The following CNTN6 variants were observed in gnomAD, a reference collection of about 807,000 sequenced individuals.
CNTN6 encodes contactin-6.
A neutral mutation model predicts 122.8 loss-of-function variants in CNTN6; 137 were observed. The ratio of observed to expected loss-of-function variants is 1.12; its 90% CI spans 0.97 to 1.29. The LOEUF (loss-of-function observed/expected upper bound fraction) is 1.29. Among genes scored for constraint, CNTN6 ranks in the 50% most tolerant of loss-of-function variants. The pLI is 0.00. For synonymous variants in CNTN6, 570 were observed against 426.0 expected (o/e 1.34, Z -4.16); for missense variants, 1,634 against 1,223.4 (o/e 1.34, Z -5.01).
intron 17 of CNTN6, among the ~76,000 whole-genome samples, chr3:1,380,856 ATTAG>A (rs946089375): frequency 1.3e-4 from 20 of 152,340 alleles, no homozygotes; most frequent in African/African-American, 4.6e-4. Flanking sequence ...GAATTACATT[ATTAG>A]TTTATCAATT....
intron 2 of CNTN6, among the ~76,000 whole-genome samples, chr3:1,182,464 C>G (rs2093568786): frequency 6.6e-6 from 1 of 152,066 alleles, no homozygotes; most frequent in African/African-American, 2.4e-5. Flanking sequence ...TACTGTAATT[C>G]AAAATGGTAG....
At chr3:1,183,626 G>A (rs916611853) in intron 2 of CNTN6, among the ~76,000 whole-genome samples, 5 of 151,958 alleles carry the variant, frequency 3.3e-5, no homozygotes, top group African/African-American at 7.3e-5. Flanking sequence ...TATAAAAAGA[G>A]TACTTTTTGG....
At chr3:1,346,836 A>T (rs1033747363) in intron 11 of CNTN6, among the ~76,000 whole-genome samples, 2 of 152,134 alleles carry the variant, frequency 1.3e-5, no homozygotes, top group African/African-American at 4.8e-5. Flanking sequence ...CTCCAAGTGG[A>T]TGTGATGTGA....
chr3:1,297,642 T>TTC (rs1553666504), intron 6 of CNTN6, among the ~76,000 whole-genome samples: 2 of 144,368 alleles, frequency 1.4e-5, no homozygotes, highest in African/African-American at 5.7e-5. Flanking sequence ...TTTTTTCTTT[T>TTC]TTTTTTTTTT....
chr3:1,094,422 A>C (rs758681987), intron 1 of CNTN6, among the ~76,000 whole-genome samples: 4 of 152,164 alleles, frequency 2.6e-5, no homozygotes, highest in African/African-American at 4.8e-5. Flanking sequence ...TTTTTAAGCA[A>C]TAATCATGGC....
In CNTN6 at chr3:1,376,940, A is replaced by G; in HGVS notation, c.2096-65A>G. ...TTTTGAAAAGTGAAATTCAAAAACA[A>G]AATTCTTCCTGATGAAGACGTACTT... is the stretch of plus-strand genomic sequence containing the variant. On this transcript the variant is annotated intron_variant, in intron 16 of 22. Transcript: ENST00000446702. 3.5e-6 allele frequency: 4 copies of G among 1,134,742 alleles called. No homozygotes were observed. The South Asian group carries it at 4.1e-5, about 12-fold the overall frequency. The allele number at this position is 1,134,742 out of a possible 1,614,324, so 70.3% of individuals were successfully genotyped here. A position where few individuals can be genotyped will look rare whatever the true frequency, so the allele number is the denominator to read the frequency against.
intron 2 of CNTN6, among the ~76,000 whole-genome samples, chr3:1,157,017 CT>C (rs200694885): frequency 0.19 from 27,826 of 145,218 alleles, 3,356 homozygotes; most frequent in African/African-American, 0.33. Context: ...CACCTTGCCT[CT>C]TTTTTTTTTT....
chr3:1,153,305 T>A (rs754809049), intron 2 of CNTN6, among the ~76,000 whole-genome samples: 1 of 152,202 alleles, frequency 6.6e-6, no homozygotes, highest in Non-Finnish European at 1.5e-5. Context: ...ATTCTAATTA[T>A]TGTGTTATGC....
intron 5 of CNTN6, among the ~76,000 whole-genome samples, chr3:1,279,077 G>A (rs970184919): frequency 1.1e-4 from 17 of 152,140 alleles, no homozygotes; most frequent in East Asian, 3.8e-4. Context: ...ATTAATTACC[G>A]GAAGGGATAG....
intron 2 of CNTN6, among the ~76,000 whole-genome samples, chr3:1,149,376 G>T (rs2092790839): frequency 6.6e-6 from 1 of 151,698 alleles, no homozygotes; most frequent in Non-Finnish European, 1.5e-5. Context: ...TAACAAAGCA[G>T]TAATACATTG....
rs1439405203 is a variant in CNTN6, at chr3:1,327,564, AAATGCTG to A, written c.1195_1201del (p.Ala399Ter). The stretch of plus-strand genomic sequence containing the variant: ...AAAACAAATATCAGATAATTTATGC[AAATGCTG>A]AATTGAGAGTTTTAGGTAAGTCGTT... On this transcript the variant is annotated frameshift_variant, in exon 10 of 23. Coordinates refer to ENST00000446702, the MANE Select transcript of CNTN6 (RefSeq NM_001289080.2). LOFTEE classifies it high-confidence loss of function. The A allele has an allele frequency of 6.2e-7, 1 of 1,610,196 alleles. No homozygotes were observed. Among genetic ancestry groups the A allele is most frequent in the Non-Finnish European group, 8.5e-7 (1 of 1,177,842 alleles).
In CNTN6 at chr3:1,384,101, A is replaced by G. The variant is rs1174084301; in HGVS notation, c.2517+693A>G. Among the ~76,000 whole-genome samples the G allele has an allele frequency of 3.3e-5, 5 of 152,236 alleles. No homozygotes were observed. In the South Asian group the frequency reaches 1.0e-3, roughly 32 times the overall value. On this transcript the variant is annotated intron_variant, in intron 19 of 22. Coordinates refer to ENST00000446702, the MANE Select transcript of CNTN6 (RefSeq NM_001289080.2). ...ATAGTAGCCATTTTTAAAGGCATACAGATTCAGTAAGTAAGATGAGTAAGC... is the reference window on the plus strand; with the variant it reads ...ATAGTAGCCATTTTTAAAGGCATACGGATTCAGTAAGTAAGATGAGTAAGC...
At chr3:1,397,228 G>A (rs1306518936) in intron 20 of CNTN6, among the ~76,000 whole-genome samples, 1 of 151,850 alleles carries the variant, frequency 6.6e-6, no homozygotes, top group Non-Finnish European at 1.5e-5. Flanking sequence ...AAGAAAAAAA[G>A]ACAAATGAAT....
At chr3:1,157,221 A>T (rs7615281) in intron 2 of CNTN6, among the ~76,000 whole-genome samples, 45,271 of 107,458 alleles carry the variant, frequency 0.42, 7,235 homozygotes, top group East Asian at 0.57. Context: ...TATTTATTTA[A>T]TTTATTTATT....
At chr3:1,283,891 T>C (rs1436347877) in intron 5 of CNTN6, among the ~76,000 whole-genome samples, 2 of 152,104 alleles carry the variant, frequency 1.3e-5, no homozygotes, top group African/African-American at 4.8e-5. Flanking sequence ...TCCCAGCTAC[T>C]CTGGGGCTGA....
chr3:1,312,957 A>G (rs1699600539), intron 7 of CNTN6, among the ~76,000 whole-genome samples: 2 of 152,084 alleles, frequency 1.3e-5, no homozygotes. Flanking sequence ...AATACTTAGC[A>G]TGGAGCTAAC....
intron 1 of CNTN6, among the ~76,000 whole-genome samples, chr3:1,101,603 A>G (rs1178908999): frequency 1.3e-5 from 2 of 152,168 alleles, no homozygotes; most frequent in African/African-American, 4.8e-5. Context: ...TGTAATAGGC[A>G]ATGGAACATT....
chr3:1,099,243 A>C (rs1419185931), intron 1 of CNTN6, among the ~76,000 whole-genome samples: 4 of 152,028 alleles, frequency 2.6e-5, no homozygotes, highest in Non-Finnish European at 5.9e-5. Flanking sequence ...CGAGGTCAGG[A>C]GATCGAGACC....
chr3:1,127,454 A>G (rs2092203281), intron 1 of CNTN6, among the ~76,000 whole-genome samples: 1 of 151,906 alleles, frequency 6.6e-6, no homozygotes, highest in South Asian at 2.1e-4. Context: ...CTGTACTGAT[A>G]GCTGCTGTCA....
Sources: allele counts gnomAD v4.1 joint callset (sites outside exome capture counted in the v4.1 genomes callset), GRCh38; gene constraint gnomAD v4.1.1; transcripts MANE v1.5; gene names NCBI Gene and HGNC (gene_info 2026-07-23, HGNC 2026-07-21).